Variants in PTPN13 observed in about 807,000 individuals in gnomAD.
PTPN13 encodes tyrosine-protein phosphatase non-receptor type 13.
In PTPN13, 191 loss-of-function variants were observed where a neutral mutation model predicts 284.0. The ratio of observed to expected loss-of-function variants is 0.67; its 90% CI spans 0.60 to 0.76. The LOEUF (loss-of-function observed/expected upper bound fraction) is 0.76. Among genes scored for constraint, PTPN13 ranks in the 30% least tolerant of loss-of-function variants. The pLI, the probability that PTPN13 is intolerant of heterozygous loss-of-function variation, is 0.00. For missense variants in PTPN13, 2,797 were observed against 2,939.9 expected (o/e 0.95, Z 1.12); for synonymous variants, 986 against 1,022.3 (o/e 0.96, Z 0.68).
intron 37 of PTPN13, 80 bp downstream of exon 37, chr4:86,782,342 T>G: frequency 8.0e-7 from 1 of 1,256,278 alleles, no homozygotes; most frequent in Non-Finnish European, 1.2e-6. Flanking sequence ...CCAAACTGAT[T>G]TCATATTTAA....
At chr4:86,632,404 G>A (rs1448055515) in intron 1 of PTPN13, among the ~76,000 whole-genome samples, 1 of 152,124 alleles carries the variant, frequency 6.6e-6, no homozygotes, top group Non-Finnish European at 1.5e-5. Context: ...CCACACTCCT[G>A]TTGTGAAATT....
chr4:86,622,979 A>G (rs1011085971), intron 1 of PTPN13, among the ~76,000 whole-genome samples: 2 of 152,176 alleles, frequency 1.3e-5, no homozygotes, highest in Non-Finnish European at 2.9e-5. Flanking sequence ...CCCTCCTGCC[A>G]ATTTCTTAGG....
chr4:86,703,248 T>G (rs1578449578), intron 7 of PTPN13, among the ~76,000 whole-genome samples: 1 of 152,108 alleles, frequency 6.6e-6, no homozygotes, highest in Non-Finnish European at 1.5e-5. Flanking sequence ...ATTTAGAAAT[T>G]TATATTATAC....
chr4:86,746,790 C>A (rs1436150947), intron 17 of PTPN13, among the ~76,000 whole-genome samples: 1 of 152,122 alleles, frequency 6.6e-6, no homozygotes, highest in Non-Finnish European at 1.5e-5. Flanking sequence ...GCCACCACGC[C>A]CAGCTAATTT....
chr4:86,762,157 C>T (rs1738770871), intron 23 of PTPN13, among the ~76,000 whole-genome samples: 2 of 152,024 alleles, frequency 1.3e-5, no homozygotes, highest in Non-Finnish European at 2.9e-5. Context: ...ATTTTTGGTA[C>T]AGACAGGGTT....
At chr4:86,756,599 C>G (rs2149225943) in intron 20 of PTPN13, among the ~76,000 whole-genome samples, 1 of 152,114 alleles carries the variant, frequency 6.6e-6, no homozygotes, top group Non-Finnish European at 1.5e-5. Flanking sequence ...AGCAAACTTG[C>G]ATCAAAACAG....
At chr4:86,717,189 A>AATT in intron 9 of PTPN13, 72 bp downstream of exon 9, 1 of 739,800 alleles carries the variant, frequency 1.4e-6, no homozygotes. Flanking sequence ...ATTAAATGGA[A>AATT]TTTTTTTTTT....
intron 1 of PTPN13, among the ~76,000 whole-genome samples, chr4:86,631,565 C>A (rs1722472073): frequency 6.6e-6 from 1 of 152,078 alleles, no homozygotes; most frequent in African/African-American, 2.4e-5. Flanking sequence ...TAAATCTATT[C>A]TGATAGCTTG....
intron 5 of PTPN13, among the ~76,000 whole-genome samples, chr4:86,692,636 G>A (rs1730150158): frequency 6.6e-6 from 1 of 152,068 alleles, no homozygotes; most frequent in Admixed American, 6.5e-5. Context: ...ATCCCTTATA[G>A]TGTGGAGTTT....
intron 6 of PTPN13, among the ~76,000 whole-genome samples, chr4:86,700,619 C>T (rs1016023900): frequency 1.3e-5 from 2 of 152,096 alleles, no homozygotes; most frequent in Non-Finnish European, 2.9e-5. Context: ...GCCATGGAAA[C>T]AGTAAGTTTC....
intron 15 of PTPN13, among the ~76,000 whole-genome samples, chr4:86,740,735 C>T (rs1197023569): frequency 6.6e-6 from 1 of 152,108 alleles, no homozygotes. Context: ...TGCACATTTT[C>T]CAAACTGTTA....
At chr4:86,677,061 A>G (rs1018675774) in intron 3 of PTPN13, among the ~76,000 whole-genome samples, 1 of 151,974 alleles carries the variant, frequency 6.6e-6, no homozygotes, top group Non-Finnish European at 1.5e-5. Context: ...AGGTCAGGAG[A>G]TCGAGACCAT....
intron 27 of PTPN13, among the ~76,000 whole-genome samples, chr4:86,766,972 T>C (rs1045032078): frequency 4.6e-5 from 7 of 152,104 alleles, no homozygotes; most frequent in African/African-American, 1.7e-4. Flanking sequence ...CAGGCTGGAG[T>C]GCAGTGGCGC....
intron 25 of PTPN13, among the ~76,000 whole-genome samples, 181 bp downstream of exon 25, chr4:86,764,905 G>A (rs1295444759): frequency 2.6e-5 from 4 of 152,068 alleles, no homozygotes; most frequent in African/African-American, 9.7e-5. Context: ...TTTTTCCTGT[G>A]ATTTTAAAAA....
intron 28 of PTPN13, among the ~76,000 whole-genome samples, chr4:86,768,607 A>G (rs889494525): frequency 3.3e-5 from 5 of 152,196 alleles, no homozygotes; most frequent in Non-Finnish European, 7.3e-5. Context: ...CCCCAAAATA[A>G]TGAGAAAAAA....
chr4:86,703,978 G>A (rs1477639202), intron 7 of PTPN13, among the ~76,000 whole-genome samples: 1 of 151,204 alleles, frequency 6.6e-6, no homozygotes, highest in African/African-American at 2.4e-5. Flanking sequence ...TTCGAGACCA[G>A]CCTCACCAAC....
chr4:86,780,371 C>G (rs1741159991), intron 35 of PTPN13, 31 bp from the exon 36 acceptor site: 1 of 1,578,902 alleles, frequency 6.3e-7, no homozygotes, highest in Non-Finnish European at 8.6e-7. Flanking sequence ...ATGTCCAAGA[C>G]AATTTACAGT....
intron 1 of PTPN13, among the ~76,000 whole-genome samples, chr4:86,629,911 C>G (rs1722278578): frequency 6.6e-6 from 1 of 151,958 alleles, no homozygotes; most frequent in Non-Finnish European, 1.5e-5. Context: ...CACGCACCAT[C>G]ATGTTCAGCT....
At chr4:86,721,527 C>T (rs28645624) in intron 9 of PTPN13, among the ~76,000 whole-genome samples, 12,399 of 152,052 alleles carry the variant, frequency 0.082, 645 homozygotes, top group Non-Finnish European at 0.11. Context: ...ATAGGGAGAA[C>T]GGGGAGTAAT....
Sources: allele counts gnomAD v4.1 joint callset (sites outside exome capture counted in the v4.1 genomes callset), GRCh38; gene constraint gnomAD v4.1.1; transcripts MANE v1.5; gene names NCBI Gene and HGNC (gene_info 2026-07-23, HGNC 2026-07-21).